Variants in ZSCAN25 observed in about 807,000 individuals in gnomAD.
ZSCAN25 encodes the protein zinc finger and SCAN domain-containing protein 25.
In ZSCAN25, 27 loss-of-function variants were observed where a neutral mutation model predicts 38.7. That is an observed-to-expected ratio of 0.70 (90% confidence interval 0.51 to 0.96). ZSCAN25 has a LOEUF of 0.96. ZSCAN25 is among the 40% of genes least tolerant of loss of function. ZSCAN25 has a pLI of 0.00. For missense variants in ZSCAN25, 637 were observed against 705.9 expected (o/e 0.90, Z 1.11); for synonymous variants, 273 against 277.7 (o/e 0.98, Z 0.17).
chr7:99,706,175 C>A, the ZSCAN25 span, among the ~76,000 whole-genome samples: 1 of 152,154 alleles, frequency 6.6e-6, no homozygotes. Context: ...AAGTGGGGAA[C>A]CTCTCAATTC....
chr7:99,705,520 C>A, the ZSCAN25 span: 2 of 1,613,648 alleles, frequency 1.2e-6, no homozygotes, highest in Non-Finnish European at 1.7e-6. Context: ...CTTACGGTCT[C>A]ATCCCTTGAC....
chr7:99,648,311 T>C, the ZSCAN25 span: 1 of 1,612,068 alleles, frequency 6.2e-7, no homozygotes, highest in Non-Finnish European at 8.5e-7. Context: ...TAACTCATTC[T>C]CCACTTAGGG....
chr7:99,650,063 G>A, the ZSCAN25 span: 1 of 1,613,724 alleles, frequency 6.2e-7, no homozygotes, highest in East Asian at 2.2e-5. Flanking sequence ...CATACAGAAA[G>A]TGTACTGACC....
At chr7:99,657,333 G>A in the ZSCAN25 span, among the ~76,000 whole-genome samples, 8 of 152,058 alleles carry the variant, frequency 5.3e-5, no homozygotes, top group Admixed American at 3.3e-4. Flanking sequence ...CCTTCATTTC[G>A]TTATGTACCC....
chr7:99,709,386 C>A, the ZSCAN25 span: 1 of 1,415,360 alleles, frequency 7.1e-7, no homozygotes, highest in Non-Finnish European at 9.7e-7. Context: ...AGGATTGTAG[C>A]ATTCATAAAG....
the ZSCAN25 span, chr7:99,672,719 C>T: frequency 6.8e-6 from 11 of 1,611,476 alleles, no homozygotes; most frequent in Admixed American, 8.4e-5. Flanking sequence ...TTCACTAGCC[C>T]GATTCTGCAG....
At chr7:99,654,310 C>G in the ZSCAN25 span, among the ~76,000 whole-genome samples, 1 of 152,106 alleles carries the variant, frequency 6.6e-6, no homozygotes, top group African/African-American at 2.4e-5. Context: ...CAATTCCCAC[C>G]TACGAGTGAG....
chr7:99,672,504 AAT>A, the ZSCAN25 span: 7 of 1,283,498 alleles, frequency 5.5e-6, no homozygotes, highest in African/African-American at 5.8e-5. Flanking sequence ...ACCTTCTGTG[AAT>A]ATATGTTTTT....
At chr7:99,729,694 C>T in the ZSCAN25 span, among the ~76,000 whole-genome samples, 20 of 152,290 alleles carry the variant, frequency 1.3e-4, no homozygotes, top group African/African-American at 4.8e-4. Flanking sequence ...TTCTTCTCTG[C>T]ACAATGAGTC....
At chr7:99,658,882 G>A in the ZSCAN25 span, 2 of 152,144 alleles carry the variant, frequency 1.3e-5, no homozygotes, top group Non-Finnish European at 1.5e-5. Context: ...ATTGGCTACT[G>A]AGGCTTGTGC....
the ZSCAN25 span, among the ~76,000 whole-genome samples, chr7:99,723,777 CCCTT>C: frequency 1.3e-5 from 2 of 152,310 alleles, no homozygotes; most frequent in East Asian, 1.9e-4. Flanking sequence ...TTCAATCTCT[CCCTT>C]CCTTAATTTC....
chr7:99,619,472 T>C, intron 3 of ZSCAN25, 89 bp from the exon 4 acceptor site: 1 of 1,078,154 alleles, frequency 9.3e-7, no homozygotes, highest in African/African-American at 1.6e-5. Flanking sequence ...TTGTAAAAGG[T>C]AATTACTGTG....
the ZSCAN25 span, among the ~76,000 whole-genome samples, chr7:99,692,143 T>C: frequency 6.6e-6 from 1 of 152,222 alleles, no homozygotes; most frequent in African/African-American, 2.4e-5. Flanking sequence ...TTATTTCTCC[T>C]TCACTTATGA....
chr7:99,627,166 G>A (rs1457957414), intron 7 of ZSCAN25, among the ~76,000 whole-genome samples: 1 of 152,124 alleles, frequency 6.6e-6, no homozygotes, highest in Non-Finnish European at 1.5e-5. Flanking sequence ...GAAGTTGGAG[G>A]CATCTCAATC....
the ZSCAN25 span, among the ~76,000 whole-genome samples, chr7:99,643,407 T>G: frequency 6.6e-6 from 1 of 152,206 alleles, no homozygotes; most frequent in Non-Finnish European, 1.5e-5. Context: ...AGGTCTTTCA[T>G]GTTTACCCAT....
Position 99,619,831 on chromosome 7 carries a change from G to C in ZSCAN25, c.225G>C (p.Leu75Phe). Residue 75 changes from leucine to phenylalanine, a missense_variant, in exon 4 of 8, where the codon TTG becomes TTC. Leu to Phe is a conservative substitution (Grantham distance 22). Transcript: ENST00000394152. Reference protein sequence around the residue: ...ELCRRWLRPELHTKEQILELL... With the variant: ...ELCRRWLRPEFHTKEQILELL... ...GTCGTCGGTGGCTGAGGCCCGAGTT[G>C]CACACCAAGGAGCAGATCCTGGAGC... The C allele has an allele frequency of 6.2e-7, 1 of 1,614,246 alleles. No individual in the cohort carries two copies. The highest frequency in any genetic ancestry group is 2.2e-5 in the East Asian group (1 of 44,884).
At chr7:99,666,402 C>T in the ZSCAN25 span, among the ~76,000 whole-genome samples, 7 of 152,168 alleles carry the variant, frequency 4.6e-5, no homozygotes, top group African/African-American at 1.7e-4. Context: ...CTCCTGTGCA[C>T]AGGAGAGAAG....
chr7:99,628,945 G>T (rs950862695), intron 7 of ZSCAN25, among the ~76,000 whole-genome samples: 3 of 152,204 alleles, frequency 2.0e-5, no homozygotes, highest in Non-Finnish European at 4.4e-5. Flanking sequence ...GCTACATTTT[G>T]TAAGAAGTAA....
the ZSCAN25 span, among the ~76,000 whole-genome samples, chr7:99,691,248 A>C: frequency 2.6e-5 from 4 of 151,816 alleles, no homozygotes; most frequent in Admixed American, 6.6e-5. Context: ...AACAATGAGA[A>C]CACATGGACA....
Sources: allele counts gnomAD v4.1 joint callset (sites outside exome capture counted in the v4.1 genomes callset), GRCh38; gene constraint gnomAD v4.1.1; transcripts MANE v1.5; gene names NCBI Gene and HGNC (gene_info 2026-07-23, HGNC 2026-07-21).